Variants in BCAS3 observed in about 807,000 individuals in gnomAD.
The protein encoded by BCAS3 is BCAS4/BCAS3 fusion.
Under a neutral mutation model 116.1 loss-of-function variants are expected in BCAS3, and 53 were observed. The ratio of observed to expected loss-of-function variants is 0.46; its 90% CI spans 0.37 to 0.57. The LOEUF (loss-of-function observed/expected upper bound fraction) is 0.57. BCAS3 is among the 20% of genes least tolerant of loss of function. The pLI, the probability that BCAS3 is intolerant of heterozygous loss-of-function variation, is 0.00. For synonymous variants in BCAS3, 391 were observed against 408.2 expected (o/e 0.96, Z 0.51); for missense variants, 917 against 1,165.4 (o/e 0.79, Z 3.10).
At position 61,204,777 on chromosome 17, in the gene BCAS3, C is replaced by A. The variant is rs2081031139; in HGVS notation, c.2425+120213C>A. 6.6e-6 allele frequency among the ~76,000 whole-genome samples: 1 copy of A among 152,124 alleles called. No homozygotes were observed. Among genetic ancestry groups the A allele is most frequent in the African/African-American group, 2.4e-5 (1 of 41,414 alleles). ...ACAAAAAATTAAAGAATTGGCCTGG[C>A]ATGGTGGCTCATGTCTGTAATCCAA... On this transcript the variant is annotated intron_variant, in intron 22 of 23. Transcript: ENST00000407086. This position sits in a 1 kb window ranked among gnomAD's most constrained non-coding sequence, Gnocchi z 4.2.
rs968960163 is a variant in BCAS3, at chr17:61,026,244, TCTTAGACCA to T, written c.1638-8419_1638-8411del. On this transcript the variant is annotated intron_variant, in intron 16 of 23. Transcript: ENST00000407086. This position sits in a 1 kb window ranked among gnomAD's most constrained non-coding sequence, Gnocchi z 5.0. Reference sequence around the variant, plus strand: ...GCAGACCAGGTAAAGGAAGCTAACCTCTTAGACCACTATTAAGAGATATCCTAATTTCCT... The same window carrying T: ...GCAGACCAGGTAAAGGAAGCTAACCTCTATTAAGAGATATCCTAATTTCCT... Among the ~76,000 whole-genome samples the T allele has an allele frequency of 5.9e-5, 9 of 152,240 alleles. No individual in the cohort carries two copies. The highest frequency in any genetic ancestry group is 2.2e-4 in the African/African-American group (9 of 41,574).
intron 22 of BCAS3, among the ~76,000 whole-genome samples, chr17:61,192,806 A>C (rs888842977): frequency 7.9e-5 from 12 of 152,246 alleles, no homozygotes; most frequent in Non-Finnish European, 1.8e-4. Flanking sequence ...TTTTATAATG[A>C]TAATAGAATA....
chr17:61,069,745 G>A, intron 19 of BCAS3: 4 of 608,746 alleles, frequency 6.6e-6, no homozygotes, highest in Non-Finnish European at 1.2e-5. Context: ...GGCTGAGGTG[G>A]GAGGATCGCT....
intron 6 of BCAS3, among the ~76,000 whole-genome samples, chr17:60,786,349 G>T (rs1418807335): frequency 6.6e-6 from 1 of 151,768 alleles, no homozygotes; most frequent in East Asian, 1.9e-4. Flanking sequence ...CTTTGAAAAA[G>T]AAAGAAAGAA....
chr17:61,209,570 T>C (rs995687694), intron 22 of BCAS3, among the ~76,000 whole-genome samples: 1 of 152,220 alleles, frequency 6.6e-6, no homozygotes, highest in Admixed American at 6.5e-5. Context: ...AATGTATTTT[T>C]AAAATGTGTT....
rs2064832480 is a variant in BCAS3, at chr17:61,007,920, A to G, written c.1487-7831A>G. ...CTTCACCATCGATTGCCTCCAAAAA[A>G]AAGTTATAGGCAAAATGAATCAGTG... On this transcript the variant is annotated intron_variant, in intron 15 of 23. Coordinates refer to ENST00000407086, the MANE Select transcript of BCAS3 (RefSeq NM_017679.5). The surrounding 1 kb of genome is among the most constrained non-coding windows in gnomAD (Gnocchi z 4.3). Among the ~76,000 whole-genome samples, 1 of 152,096 alleles carries G rather than the reference A, an allele frequency of 6.6e-6. No homozygotes were observed. The highest frequency in any genetic ancestry group is 6.6e-5 in the Admixed American group (1 of 15,258).
intron 22 of BCAS3, among the ~76,000 whole-genome samples, chr17:61,234,510 T>G (rs548881946): frequency 6.6e-6 from 1 of 152,360 alleles, no homozygotes; most frequent in East Asian, 1.9e-4. Flanking sequence ...TTGCTGTTGT[T>G]AATTGCAAAA....
chr17:61,170,885 C>T (rs1235992330), intron 22 of BCAS3, among the ~76,000 whole-genome samples: 2 of 152,108 alleles, frequency 1.3e-5, no homozygotes. Flanking sequence ...TCCTGCAAGC[C>T]TTCAGCTGAG....
chr17:61,142,687 C>G (rs963692026), intron 22 of BCAS3, among the ~76,000 whole-genome samples: 1 of 151,932 alleles, frequency 6.6e-6, no homozygotes, highest in Admixed American at 6.6e-5. Context: ...CTGCATCTGA[C>G]AAAAATGGAT....
chr17:60,685,863 T>G (rs915380374), intron 3 of BCAS3, among the ~76,000 whole-genome samples: 1 of 151,686 alleles, frequency 6.6e-6, no homozygotes, highest in African/African-American at 2.4e-5. Context: ...AGTAACTTTT[T>G]GTTATATTAG....
chr17:61,078,017 G>T (rs989812527), intron 20 of BCAS3, among the ~76,000 whole-genome samples: 2 of 152,066 alleles, frequency 1.3e-5, no homozygotes, highest in Non-Finnish European at 2.9e-5. Context: ...GTTATATGAG[G>T]CAAGCAACTG....
At chr17:61,168,692 T>C (rs2078662493) in intron 22 of BCAS3, among the ~76,000 whole-genome samples, 1 of 152,218 alleles carries the variant, frequency 6.6e-6, no homozygotes, top group Admixed American at 6.5e-5. Flanking sequence ...GAGCAGGTTC[T>C]GCCCTGTGCT....
At position 61,249,497 on chromosome 17, in the gene BCAS3, A is replaced by G. The variant is rs2048213951; in HGVS notation, c.2426-118830A>G. On this transcript the variant is annotated intron_variant, in intron 22 of 23. Transcript: ENST00000407086. The surrounding 1 kb of genome is among the most constrained non-coding windows in gnomAD (Gnocchi z 6.2). ...GAAACACACCCAAAACTATATTGCTAAAATCTGAAGGAGAGAGATCTCAAC... is the reference window on the plus strand; with the variant it reads ...GAAACACACCCAAAACTATATTGCTGAAATCTGAAGGAGAGAGATCTCAAC... 6.6e-6 allele frequency among the ~76,000 whole-genome samples: 1 copy of G among 152,172 alleles called. No individual in the cohort carries two copies. The highest frequency in any genetic ancestry group is 2.4e-5 in the African/African-American group (1 of 41,430).
At chr17:60,715,035 TA>T (rs901856728) in intron 5 of BCAS3, among the ~76,000 whole-genome samples, 1 of 151,954 alleles carries the variant, frequency 6.6e-6, no homozygotes, top group Non-Finnish European at 1.5e-5. Context: ...AATTCTTAAT[TA>T]AAAAAATCAA....
rs1275120123 is a variant in BCAS3, at chr17:61,196,637, A to G, written c.2425+112073A>G. 1.3e-5 allele frequency among the ~76,000 whole-genome samples: 2 copies of G among 152,220 alleles called. No homozygotes were observed. On this transcript the variant is annotated intron_variant, in intron 22 of 23. Transcript: ENST00000407086. This position sits in a 1 kb window ranked among gnomAD's most constrained non-coding sequence, Gnocchi z 4.7. ...GACTTCCGATTCGAATTAGAAATGA[A>G]AAGAGGAGAGGAAAGGGAAAAGGAA... is the stretch of plus-strand genomic sequence containing the variant.
In BCAS3 at chr17:61,313,566, C is replaced by T. The variant is rs149847248; in HGVS notation, c.2426-54761C>T. ...TGAACGGGGATTTGTGTGGGCCAGA[C>T]AATGTAGGGGATTTATTTCCAAGGC... On this transcript the variant is annotated intron_variant, in intron 22 of 23. Coordinates refer to ENST00000407086, the MANE Select transcript of BCAS3 (RefSeq NM_017679.5). The surrounding 1 kb of genome is among the most constrained non-coding windows in gnomAD (Gnocchi z 4.3). 6.6e-6 allele frequency among the ~76,000 whole-genome samples: 1 copy of T among 152,250 alleles called. No individual in the cohort carries two copies. The highest frequency in any genetic ancestry group is 1.9e-4 in the East Asian group (1 of 5,172).
intron 7 of BCAS3, among the ~76,000 whole-genome samples, chr17:60,860,680 T>C (rs1468986697): frequency 6.6e-6 from 1 of 152,080 alleles, no homozygotes; most frequent in Non-Finnish European, 1.5e-5. Flanking sequence ...TTTTCATATA[T>C]AGAGCCCAGT....
chr17:61,369,398 A>G (rs1319084191), intron 23 of BCAS3, among the ~76,000 whole-genome samples: 1 of 152,128 alleles, frequency 6.6e-6, no homozygotes, highest in Non-Finnish European at 1.5e-5. Flanking sequence ...CCCGTTCCAC[A>G]TGCCTCCCTG....
chr17:60,800,049 A>G (rs2047631776), intron 6 of BCAS3, among the ~76,000 whole-genome samples: 1 of 152,096 alleles, frequency 6.6e-6, no homozygotes, highest in Admixed American at 6.6e-5. Flanking sequence ...TTTGTTCACA[A>G]GTTTTTCTGT....
Sources: allele counts gnomAD v4.1 joint callset (sites outside exome capture counted in the v4.1 genomes callset), GRCh38; gene constraint gnomAD v4.1.1; non-coding constraint Gnocchi (gnomAD v3.1); transcripts MANE v1.5; gene names NCBI Gene and HGNC (gene_info 2026-07-23, HGNC 2026-07-21).